LRBA: variants seen among roughly 807,000 people sequenced by gnomAD.
The protein encoded by LRBA is lipopolysaccharide-responsive and beige-like anchor protein.
LRBA carries 176 observed loss-of-function variants against 330.0 expected under a neutral mutation model. The ratio of observed to expected loss-of-function variants is 0.53; its 90% CI spans 0.47 to 0.60. The LOEUF is 0.60. Among genes scored for constraint, LRBA ranks in the 20% least tolerant of loss-of-function variants. The probability of loss-of-function intolerance (pLI) is 0.00; values close to 1 mark genes in which losing one functional copy is unlikely to be tolerated. For missense variants in LRBA, 3,259 were observed against 3,444.8 expected (o/e 0.95, Z 1.35); for synonymous variants, 1,230 against 1,193.0 (o/e 1.03, Z -0.64).
In LRBA at chr4:150,916,631, T is replaced by C; in HGVS notation, c.753A>G (p.Lys251=). The change falls in exon 6 of 57, where the codon AAA becomes AAG. Residue 251 remains lysine, a synonymous_variant. Coordinates refer to ENST00000651943, the MANE Select transcript of LRBA (RefSeq NM_001364905.1). ...GAAATACATACCAATACAAATATGG[T>C]TTATCCTTATCTACATTGATGTTAT... ...PVNNINVDKD[K]PYLYCFRTSK... is the part of the protein sequence containing the mutation. The C allele has an allele frequency of 1.9e-6, 3 of 1,597,692 alleles. No individual in the cohort carries two copies. The highest frequency in any genetic ancestry group is 1.1e-5 in the South Asian group (1 of 87,518).
chr4:150,609,514 A>G (rs760264475), intron 37 of LRBA, among the ~76,000 whole-genome samples: 1 of 152,198 alleles, frequency 6.6e-6, no homozygotes, highest in Non-Finnish European at 1.5e-5. Context: ...TACTTCTTAT[A>G]AGAGATATTA....
chr4:150,756,384 TGA>T, intron 35 of LRBA, among the ~76,000 whole-genome samples: 1 of 152,206 alleles, frequency 6.6e-6, no homozygotes, highest in South Asian at 2.1e-4. Flanking sequence ...ACATCAATAC[TGA>T]GATACTAAAT....
chr4:150,922,666 G>A (rs769403045), intron 4 of LRBA, among the ~76,000 whole-genome samples: 3 of 151,948 alleles, frequency 2.0e-5, no homozygotes, highest in Non-Finnish European at 4.4e-5. Flanking sequence ...ATGGTGTGGT[G>A]TATACTGCTC....
At position 150,321,376 on chromosome 4, in the gene LRBA, A is replaced by G; in HGVS notation, c.7453-8T>C. The G allele has an allele frequency of 6.4e-7, 1 of 1,573,606 alleles. No homozygotes were observed. Among genetic ancestry groups the G allele is most frequent in the Non-Finnish European group, 8.6e-7 (1 of 1,166,180 alleles). ...TGTGAACATCAATGGACTCTGCAGG[A>G]GGAGATACTGTTGAGTGGGCATGAC... On this transcript the variant is annotated splice_polypyrimidine_tract_variant and splice_region_variant and intron_variant, in intron 49 of 56. Coordinates refer to ENST00000651943, the MANE Select transcript of LRBA (RefSeq NM_001364905.1). This position sits in a 1 kb window ranked among gnomAD's most constrained non-coding sequence, Gnocchi z 4.5.
chr4:150,419,041 C>T (rs915363818), intron 46 of LRBA, among the ~76,000 whole-genome samples: 1 of 151,874 alleles, frequency 6.6e-6, no homozygotes, highest in Non-Finnish European at 1.5e-5. Context: ...GAATGGTGAG[C>T]GGGTCACTAT....
intron 28 of LRBA, among the ~76,000 whole-genome samples, chr4:150,833,538 A>T (rs1486109811): frequency 6.6e-6 from 1 of 152,190 alleles, no homozygotes; most frequent in African/African-American, 2.4e-5. Context: ...TGTATATAAA[A>T]GTTACGTTTA....
chr4:150,280,875 G>A (rs953040932), intron 55 of LRBA, among the ~76,000 whole-genome samples: 1 of 152,170 alleles, frequency 6.6e-6, no homozygotes, highest in Non-Finnish European at 1.5e-5. Context: ...AGGCAAGCTC[G>A]CTTTAATCAC....
intron 37 of LRBA, among the ~76,000 whole-genome samples, chr4:150,612,110 C>A (rs1290069549): frequency 3.3e-5 from 5 of 152,046 alleles, no homozygotes; most frequent in Non-Finnish European, 5.9e-5. Context: ...GCCCCTTTGC[C>A]CAGGCTGTAT....
chr4:150,673,827 T>C (rs1782291683), intron 37 of LRBA, among the ~76,000 whole-genome samples: 1 of 152,226 alleles, frequency 6.6e-6, no homozygotes, highest in Non-Finnish European at 1.5e-5. Flanking sequence ...TTCATACTAA[T>C]ATTTGAATAA....
intron 49 of LRBA, among the ~76,000 whole-genome samples, chr4:150,322,324 C>T (rs1025544386): frequency 1.3e-5 from 2 of 152,182 alleles, no homozygotes; most frequent in Non-Finnish European, 2.9e-5. Flanking sequence ...TAACACTGCT[C>T]TGATTTATTG....
At chr4:151,010,764 G>A (rs1253149341) in intron 2 of LRBA, among the ~76,000 whole-genome samples, 2 of 151,780 alleles carry the variant, frequency 1.3e-5, no homozygotes, top group Non-Finnish European at 2.9e-5. Flanking sequence ...CGTGCCTGTA[G>A]ATCCAGCTAC....
intron 40 of LRBA, chr4:150,578,960 G>A: frequency 3.6e-6 from 1 of 281,176 alleles, no homozygotes. Flanking sequence ...AAAATGTCCT[G>A]CAGCCTCCCT....
rs1271648772 is a variant in LRBA at position 150,538,901 on chromosome 4, G to A, written c.6331-47866C>T. Among the ~76,000 whole-genome samples the A allele has an allele frequency of 1.3e-5, 2 of 151,674 alleles. 1 individual carries two copies. Among genetic ancestry groups the A allele is most frequent in the East Asian group, 3.9e-4 (2 of 5,180 alleles). ...GATCATTCCTACCCCAAACCTCAGT[G>A]TTATTCAATATTCCCATGTAACAAA... On this transcript the variant is annotated intron_variant, in intron 40 of 56. Transcript: ENST00000651943.
intron 44 of LRBA, among the ~76,000 whole-genome samples, chr4:150,438,375 C>T (rs915112178): frequency 8.6e-5 from 13 of 151,948 alleles, no homozygotes; most frequent in African/African-American, 3.1e-4. Flanking sequence ...CCCAGCTACT[C>T]GGGAGGCTGA....
Position 150,867,731 on chromosome 4 carries a change from G to A in LRBA, c.2706C>T (p.Val902=). Reference sequence around the variant, plus strand: ...CACGCCAGCCACCCCACTCATATTTGACTGCATGGTAAAGCAGGATTCTGA... The same window carrying A: ...CACGCCAGCCACCCCACTCATATTTAACTGCATGGTAAAGCAGGATTCTGA... ...AIFRILLYHA[V]KYEWGGWRVW... is the part of the protein sequence containing the mutation. Residue 902 remains valine (V), a synonymous_variant, in exon 22 of 57, where the codon GTC becomes GTT. Transcript: ENST00000651943. The A allele has an allele frequency of 6.2e-7, 1 of 1,613,728 alleles. No homozygotes were observed. The highest frequency in any genetic ancestry group is 8.5e-7 in the Non-Finnish European group (1 of 1,179,818).
chr4:151,009,301 A>AT (rs974406700), intron 2 of LRBA, among the ~76,000 whole-genome samples: 9 of 151,846 alleles, frequency 5.9e-5, no homozygotes, highest in African/African-American at 2.2e-4. Flanking sequence ...TAATCCCAGC[A>AT]TTTTCAGGAA....
intron 28 of LRBA, among the ~76,000 whole-genome samples, chr4:150,835,558 T>C (rs1222155589): frequency 1.3e-5 from 2 of 152,212 alleles, no homozygotes; most frequent in Non-Finnish European, 2.9e-5. Context: ...TTTTATTTTT[T>C]TTGAAGCAAT....
At chr4:150,703,301 A>AT (rs1785294952) in intron 36 of LRBA, among the ~76,000 whole-genome samples, 1 of 152,242 alleles carries the variant, frequency 6.6e-6, no homozygotes, top group Admixed American at 6.5e-5. Flanking sequence ...ACAGAAGGTA[A>AT]TTTTTAATGA....
At chr4:150,325,765 C>G (rs1333315007) in intron 49 of LRBA, 44 bp downstream of exon 49, 4 of 1,279,242 alleles carry the variant, frequency 3.1e-6, no homozygotes, top group Non-Finnish European at 4.6e-6. Flanking sequence ...TCAAGCGGAT[C>G]TGAAGGAGAG....
Sources: allele counts gnomAD v4.1 joint callset (sites outside exome capture counted in the v4.1 genomes callset), GRCh38; gene constraint gnomAD v4.1.1; non-coding constraint Gnocchi (gnomAD v3.1); transcripts MANE v1.5; gene names NCBI Gene and HGNC (gene_info 2026-07-23, HGNC 2026-07-21).